SIRPA: variants seen among roughly 807,000 people sequenced by gnomAD.
The protein encoded by SIRPA is tyrosine-protein phosphatase non-receptor type substrate 1.
A neutral mutation model predicts 50.3 loss-of-function variants in SIRPA; 9 were observed. The ratio of observed to expected loss-of-function variants is 0.18; its 90% CI spans 0.11 to 0.31. The LOEUF is 0.31. SIRPA is among the 10% of genes least tolerant of loss of function. SIRPA has a pLI of 1.00. For synonymous variants in SIRPA, 265 were observed against 284.1 expected, an observed-to-expected ratio of 0.93 and a Z score of 0.68; for missense variants, 474 against 661.6, an observed-to-expected ratio of 0.72 and a Z score of 3.11.
chr20:1,920,057 C>T (rs988316119), intron 2 of SIRPA, among the ~76,000 whole-genome samples: 4 of 152,182 alleles, frequency 2.6e-5, no homozygotes, highest in African/African-American at 9.6e-5. Context: ...CTCTTCTTAA[C>T]AGGGTGGGGT....
At position 1,928,095 on chromosome 20, in the gene SIRPA, T is replaced by C. The variant is rs1383673032; in HGVS notation, c.1226+196T>C. ...TGTCCCAAATGAGGGGTTTTTTTGG[T>C]GCACAGAGGTGCTAATTTCTTGCCT... On this transcript the variant is annotated intron_variant, in intron 6 of 7. Transcript: ENST00000358771. This position sits in a 1 kb window ranked among gnomAD's most constrained non-coding sequence, Gnocchi z 4.9. Among the ~76,000 whole-genome samples the C allele has an allele frequency of 6.6e-6, 1 of 152,200 alleles. No homozygotes were observed. The highest frequency in any genetic ancestry group is 1.5e-5 in the Non-Finnish European group (1 of 68,036).
At chr20:1,897,096 G>A (rs183523434) in intron 1 of SIRPA, among the ~76,000 whole-genome samples, 75 of 152,346 alleles carry the variant, frequency 4.9e-4, no homozygotes, top group Non-Finnish European at 9.0e-4. Context: ...AACGAGCAGT[G>A]ACGCTGATTA....
intron 1 of SIRPA, among the ~76,000 whole-genome samples, chr20:1,900,024 G>T (rs76598833): frequency 1.3e-5 from 2 of 151,494 alleles, no homozygotes; most frequent in East Asian, 3.9e-4. Context: ...ACACATAGGG[G>T]GTACTTAAAA....
intron 1 of SIRPA, among the ~76,000 whole-genome samples, chr20:1,902,017 C>T (rs1169922413): frequency 6.6e-6 from 1 of 152,162 alleles, no homozygotes; most frequent in East Asian, 1.9e-4. Flanking sequence ...ACGATGTGCT[C>T]GGCACAGGCT....
rs1983738163 is a variant in SIRPA at position 1,895,476 on chromosome 20, G to A, written c.29G>A (p.Arg10His). 1.4e-6 allele frequency: 2 copies of A among 1,434,686 alleles called. No individual in the cohort carries two copies. Among genetic ancestry groups the A allele is most frequent in the African/African-American group, 1.5e-5 (1 of 66,670 alleles). 88.9% of individuals were successfully genotyped at this position (1,434,686 alleles called of 1,614,324 possible). MEPAGPAPG[R>H]LGPLLCLLLA... ...GAGCCCGCCGGCCCGGCCCCCGGCC[G>A]CCTCGGGCCGCTGCTCTGCCTGCTG... Residue 10 changes from arginine (R) to histidine (H), a missense_variant, in exon 1 of 8, where the codon CGC becomes CAC. By Grantham distance (29) the Arg-to-His change is conservative (BLOSUM62 0). Transcript: ENST00000358771.
At chr20:1,908,483 A>G (rs528951032) in intron 1 of SIRPA, among the ~76,000 whole-genome samples, 13 of 152,022 alleles carry the variant, frequency 8.6e-5, no homozygotes, top group African/African-American at 2.7e-4. Context: ...CCTGCACACA[A>G]TTCACATGCC....
intron 1 of SIRPA, among the ~76,000 whole-genome samples, chr20:1,904,128 A>G (rs1984404134): frequency 6.6e-6 from 1 of 152,184 alleles, no homozygotes; most frequent in African/African-American, 2.4e-5. Context: ...CCCCCCCTGC[A>G]GCCAGGGCCG....
In SIRPA at chr20:1,922,338, A is replaced by G. The variant is rs373542551; in HGVS notation, c.780A>G (p.Gln260=). 12 of 1,613,982 alleles carry G rather than the reference A, an allele frequency of 7.4e-6. No homozygotes were observed. The highest frequency in any genetic ancestry group is 1.3e-5 in the African/African-American group (1 of 74,924). Reference sequence around the variant, plus strand: ...TTCCACCCACCTTGGAGGTTACTCAACAGCCCGTGAGGGCAGAGAACCAGG... The same window carrying G: ...TTCCACCCACCTTGGAGGTTACTCAGCAGCCCGTGAGGGCAGAGAACCAGG... ...IRVPPTLEVT[Q]QPVRAENQVN... is the part of the protein sequence containing the mutation. The change falls in exon 4 of 8, where the codon CAA becomes CAG. Residue 260 remains glutamine (Q), a synonymous_variant. Coordinates refer to ENST00000358771, the MANE Select transcript of SIRPA (RefSeq NM_001040023.2).
intron 6 of SIRPA, among the ~76,000 whole-genome samples, chr20:1,930,316 TA>T (rs1555773575): frequency 6.6e-6 from 1 of 152,204 alleles, no homozygotes; most frequent in Non-Finnish European, 1.5e-5. Context: ...TCCCATTTCA[TA>T]ACCCACCCCT....
At position 1,895,475 on chromosome 20, in the gene SIRPA, C is replaced by T; in HGVS notation, c.28C>T (p.Arg10Cys). Residue 10 changes from arginine (R) to cysteine (C), a missense_variant, in exon 1 of 8, where the codon CGC becomes TGC. Arg to Cys is a radical substitution (Grantham distance 180). Around this residue, in one of 4 missense-constraint regions of SIRPA, gnomAD observed 72 missense variants for 76.2 expected, o/e 0.94. Transcript: ENST00000358771. ...GGAGCCCGCCGGCCCGGCCCCCGGC[C>T]GCCTCGGGCCGCTGCTCTGCCTGCT... MEPAGPAPG[R>C]LGPLLCLLLA... The T allele has an allele frequency of 1.4e-6, 2 of 1,433,600 alleles. No homozygotes were observed. Among genetic ancestry groups the T allele is most frequent in the East Asian group, 3.0e-5 (1 of 33,160 alleles). The allele number at this position is 1,433,600 out of a possible 1,614,324, so 88.8% of individuals were successfully genotyped here. A position where few individuals can be genotyped will look rare whatever the true frequency, so the allele number is the denominator to read the frequency against.
At chr20:1,905,889 G>T (rs1984516573) in intron 1 of SIRPA, among the ~76,000 whole-genome samples, 1 of 152,232 alleles carries the variant, frequency 6.6e-6, no homozygotes, top group South Asian at 2.1e-4. Context: ...TGTCCCCGCT[G>T]CCTCCTTGCC....
upstream of SIRPA, chr20:1,894,238 T>TA (rs1983616676): frequency 6.6e-6 from 1 of 151,754 alleles, no homozygotes; most frequent in Non-Finnish European, 1.5e-5. The surrounding 1 kb of genome is among the most constrained non-coding windows in gnomAD (Gnocchi z 4.0). Flanking sequence ...TGGGGAGGGT[T>TA]AAAAGGCAGA....
chr20:1,899,840 A>G (rs1019151340), intron 1 of SIRPA, among the ~76,000 whole-genome samples: 3 of 152,208 alleles, frequency 2.0e-5, no homozygotes, highest in Admixed American at 6.5e-5. Flanking sequence ...TAACCACTCT[A>G]TTGCAAGGAT....
Position 1,895,477 on chromosome 20 carries a change from C to T in SIRPA, c.30C>T (p.Arg10=). The T allele has an allele frequency of 6.9e-7, 1 of 1,439,196 alleles. No homozygotes were observed. The allele number at this position is 1,439,196 out of a possible 1,614,324, so 89.2% of individuals were successfully genotyped here. Residue 10 remains arginine (R), a synonymous_variant, in exon 1 of 8, where the codon CGC becomes CGT. Coordinates refer to ENST00000358771, the MANE Select transcript of SIRPA (RefSeq NM_001040023.2). ...AGCCCGCCGGCCCGGCCCCCGGCCG[C>T]CTCGGGCCGCTGCTCTGCCTGCTGC... MEPAGPAPG[R]LGPLLCLLLA...
At position 1,927,907 on chromosome 20, in the gene SIRPA, C is replaced by T. The variant is rs1986078655; in HGVS notation, c.1226+8C>T. On this transcript the variant is annotated splice_region_variant and intron_variant, in intron 6 of 7. Coordinates refer to ENST00000358771, the MANE Select transcript of SIRPA (RefSeq NM_001040023.2). The surrounding 1 kb of genome is among the most constrained non-coding windows in gnomAD (Gnocchi z 6.5). ...CTCCACTTCTTCTACAAGGTAAGTGCATCATTGGTCCAGACCCTCTTGCAG... is the reference window on the plus strand; with the variant it reads ...CTCCACTTCTTCTACAAGGTAAGTGTATCATTGGTCCAGACCCTCTTGCAG... The T allele has an allele frequency of 6.2e-7, 1 of 1,612,468 alleles. No individual in the cohort carries two copies. The highest frequency in any genetic ancestry group is 1.1e-5 in the South Asian group (1 of 91,054).
At chr20:1,915,875 G>T (rs1335482420) in intron 2 of SIRPA, among the ~76,000 whole-genome samples, 1 of 152,220 alleles carries the variant, frequency 6.6e-6, no homozygotes, top group East Asian at 1.9e-4. Flanking sequence ...TGTGTGCCAG[G>T]CTCCGCCAAG....
rs1986588536 is a variant in SIRPA at position 1,936,589 on chromosome 20, C to G, written c.1267-731C>G. Among the ~76,000 whole-genome samples, 1 of 152,210 alleles carries G rather than the reference C, an allele frequency of 6.6e-6. No homozygotes were observed. The highest frequency in any genetic ancestry group is 1.5e-5 in the Non-Finnish European group (1 of 68,044). ...TTCTTATACTGCCCCTGTTCTCTGTCTCCCTGTCCCCAGCTTTGCCCTGAG... is the reference window on the plus strand; with the variant it reads ...TTCTTATACTGCCCCTGTTCTCTGTGTCCCTGTCCCCAGCTTTGCCCTGAG... On this transcript the variant is annotated intron_variant, in intron 7 of 7. Transcript: ENST00000358771. This position sits in a 1 kb window ranked among gnomAD's most constrained non-coding sequence, Gnocchi z 4.2.
Position 1,937,098 on chromosome 20 carries a change from A to G in SIRPA, c.1267-222A>G, listed in dbSNP as rs1986617559. 1.3e-5 allele frequency among the ~76,000 whole-genome samples: 2 copies of G among 152,080 alleles called. No homozygotes were observed. Among genetic ancestry groups the G allele is most frequent in the Non-Finnish European group, 2.9e-5 (2 of 68,012 alleles). On this transcript the variant is annotated intron_variant, in intron 7 of 7. Coordinates refer to ENST00000358771, the MANE Select transcript of SIRPA (RefSeq NM_001040023.2). The surrounding 1 kb of genome is among the most constrained non-coding windows in gnomAD (Gnocchi z 8.3). ...GTGAGGAGACTGCACTGTGCGGGTC[A>G]GAAAGACCCTTCAGGCAGGGTGAGG...
intron 5 of SIRPA, among the ~76,000 whole-genome samples, chr20:1,925,981 T>A (rs1985951804): frequency 6.6e-6 from 1 of 152,244 alleles, no homozygotes; most frequent in Non-Finnish European, 1.5e-5. Context: ...CTGTTTAAAA[T>A]GCTGGTTGTG....
Sources: gnomAD v4.1 joint callset for allele counts (sites outside exome capture counted in the v4.1 genomes callset) on GRCh38, gnomAD v4.1.1 for gene constraint, gnomAD v4.1.1 regional missense constraint, Gnocchi (gnomAD v3.1) non-coding constraint, MANE v1.5 for transcripts, NCBI Gene and HGNC (gene_info 2026-07-23, HGNC 2026-07-21) for gene names.